The following NRCAM variants were observed in gnomAD, a reference collection of about 807,000 sequenced individuals.
NRCAM encodes the protein neuronal cell adhesion molecule, also known as NgCAM-related cell adhesion molecule.
A neutral mutation model predicts 156.5 loss-of-function variants in NRCAM; 83 were observed. The ratio of observed to expected loss-of-function variants is 0.53; its 90% CI spans 0.44 to 0.64. The LOEUF is 0.64. Among genes scored for constraint, NRCAM ranks in the 30% least tolerant of loss-of-function variants. NRCAM has a pLI of 0.00. For synonymous variants in NRCAM, 538 were observed against 563.9 expected (o/e 0.95, Z 0.65); for missense variants, 1,417 against 1,597.3 (o/e 0.89, Z 1.92).
chr7:108,323,704 T>G (rs955664704), intron 2 of NRCAM, among the ~76,000 whole-genome samples: 1 of 152,112 alleles, frequency 6.6e-6, no homozygotes, highest in Non-Finnish European at 1.5e-5. Context: ...TATATTCTAG[T>G]GGGTGAAGAT....
At chr7:108,213,481 T>A (rs1007384305) in intron 11 of NRCAM, among the ~76,000 whole-genome samples, 1 of 152,184 alleles carries the variant, frequency 6.6e-6, no homozygotes, top group Admixed American at 6.5e-5. Context: ...AACTGCAGAA[T>A]GGATAAGAAC....
intron 1 of NRCAM, among the ~76,000 whole-genome samples, chr7:108,426,591 ACATTGAT>A (rs1463432400): frequency 6.6e-6 from 1 of 152,226 alleles, no homozygotes; most frequent in Non-Finnish European, 1.5e-5. Context: ...AAAACCAGCT[ACATTGAT>A]CAGAGAAGGC....
intron 3 of NRCAM, among the ~76,000 whole-genome samples, chr7:108,283,774 G>A (rs1196491106): frequency 6.6e-6 from 1 of 152,118 alleles, no homozygotes; most frequent in African/African-American, 2.4e-5. Context: ...GCTCTTGAAT[G>A]TCCCTTTTCC....
chr7:108,319,956 T>C (rs2154201132), intron 2 of NRCAM, among the ~76,000 whole-genome samples: 1 of 152,302 alleles, frequency 6.6e-6, no homozygotes, highest in African/African-American at 2.4e-5. Flanking sequence ...GGAAGAGGAA[T>C]GATTTGATCA....
intron 3 of NRCAM, among the ~76,000 whole-genome samples, chr7:108,264,992 C>G (rs1563015586): frequency 6.6e-6 from 1 of 152,192 alleles, no homozygotes; most frequent in East Asian, 1.9e-4. Flanking sequence ...GCCGAGACAT[C>G]TGGATGTGAA....
chr7:108,296,648 C>T (rs1324999351), intron 3 of NRCAM, among the ~76,000 whole-genome samples: 2 of 152,086 alleles, frequency 1.3e-5, no homozygotes, highest in Non-Finnish European at 2.9e-5. Flanking sequence ...GGGTCTGGAT[C>T]AGGTCTTGAG....
chr7:108,262,986 G>T (rs1284241456), intron 3 of NRCAM, among the ~76,000 whole-genome samples: 1 of 152,188 alleles, frequency 6.6e-6, no homozygotes, highest in Non-Finnish European at 1.5e-5. Context: ...GCATTTCCCA[G>T]ACATCTTCAA....
intron 32 of NRCAM, among the ~76,000 whole-genome samples, chr7:108,150,945 T>C (rs1033715311): frequency 1.3e-5 from 2 of 152,154 alleles, no homozygotes; most frequent in African/African-American, 4.8e-5. Context: ...AAACATGTAA[T>C]AGCAAATGCT....
intron 2 of NRCAM, among the ~76,000 whole-genome samples, chr7:108,314,389 C>G (rs2098851672): frequency 6.6e-6 from 1 of 152,106 alleles, no homozygotes; most frequent in South Asian, 2.1e-4. Flanking sequence ...ACTATTTTTC[C>G]AATAACCAAG....
At chr7:108,211,717 G>T (rs1481587237) in intron 11 of NRCAM, among the ~76,000 whole-genome samples, 1 of 152,038 alleles carries the variant, frequency 6.6e-6, no homozygotes, top group African/African-American at 2.4e-5. Context: ...ATTGATCTGG[G>T]AACCTCACCC....
chr7:108,421,570 T>C (rs1357595308), intron 1 of NRCAM, among the ~76,000 whole-genome samples: 3 of 152,198 alleles, frequency 2.0e-5, no homozygotes, highest in African/African-American at 4.8e-5. Context: ...ATTATTACTA[T>C]TGTCATCTTT....
intron 3 of NRCAM, among the ~76,000 whole-genome samples, chr7:108,312,342 C>T (rs1051098236): frequency 1.3e-5 from 2 of 151,624 alleles, no homozygotes; most frequent in Non-Finnish European, 2.9e-5. Flanking sequence ...ATCTTTAGTC[C>T]CTTTATAAAC....
intron 6 of NRCAM, among the ~76,000 whole-genome samples, chr7:108,233,028 GT>G (rs1267675763): frequency 6.6e-6 from 1 of 152,116 alleles, no homozygotes; most frequent in Non-Finnish European, 1.5e-5. Context: ...AGAGACATCA[GT>G]TCCAGAGTGT....
intron 2 of NRCAM, among the ~76,000 whole-genome samples, chr7:108,355,784 C>G (rs1447776280): frequency 1.3e-5 from 2 of 152,182 alleles, no homozygotes; most frequent in African/African-American, 4.8e-5. Context: ...TCAGTCAAAG[C>G]AGATGATCAC....
intron 3 of NRCAM, among the ~76,000 whole-genome samples, chr7:108,264,296 C>G (rs2097002316): frequency 6.6e-6 from 1 of 152,164 alleles, no homozygotes; most frequent in South Asian, 2.1e-4. Flanking sequence ...TTTCTACTTC[C>G]TGTGTAAAGC....
Position 108,243,203 on chromosome 7 carries a change from G to A in NRCAM, c.-106-3033C>T, listed in dbSNP as rs563241702. 3 of 152,046 alleles carry A rather than the reference G, an allele frequency of 2.0e-5. No homozygotes were observed. In the South Asian group the frequency reaches 6.3e-4, roughly 32 times the overall value. The allele number at this position is 152,046 out of a possible 1,614,324, so 9.4% of individuals were successfully genotyped here. ...TTCTGTTAGAGGAGGACGAAGCAAT[G>A]GTCCAGCCCGTCCTCTGGCTCCTGC... On this transcript the variant is annotated intron_variant, in intron 3 of 32. Coordinates refer to ENST00000379028, the MANE Select transcript of NRCAM (RefSeq NM_001037132.4).
intron 1 of NRCAM, 120 bp from the exon 2 acceptor site, chr7:108,399,713 A>G (rs1223302015): frequency 6.6e-6 from 1 of 152,228 alleles, no homozygotes; most frequent in Non-Finnish European, 1.5e-5. Flanking sequence ...TATATATCAA[A>G]TTCCATGATT....
chr7:108,433,439 A>C (rs1243625637), intron 1 of NRCAM, among the ~76,000 whole-genome samples: 1 of 152,188 alleles, frequency 6.6e-6, no homozygotes, highest in African/African-American at 2.4e-5. Flanking sequence ...CAGCACTGTT[A>C]TCACCTGAGA....
chr7:108,394,895 C>G (rs139574353), intron 2 of NRCAM, among the ~76,000 whole-genome samples: 1 of 152,234 alleles, frequency 6.6e-6, no homozygotes, highest in African/African-American at 2.4e-5. Flanking sequence ...GATACTTATA[C>G]TACTGATTGT....
Sources: gnomAD v4.1 joint callset for allele counts (sites outside exome capture counted in the v4.1 genomes callset) on GRCh38, gnomAD v4.1.1 for gene constraint, MANE v1.5 for transcripts, NCBI Gene and HGNC (gene_info 2026-07-23, HGNC 2026-07-21) for gene names.